The following FARS2 variants were observed in gnomAD, a reference collection of about 807,000 sequenced individuals.
FARS2 encodes the protein phenylalanine--tRNA ligase, mitochondrial.
Under a neutral mutation model 46.4 loss-of-function variants are expected in FARS2, and 40 were observed. The ratio of observed to expected loss-of-function variants is 0.86; its 90% CI spans 0.67 to 1.12. The LOEUF (loss-of-function observed/expected upper bound fraction) is 1.12, where lower values mean the gene tolerates loss of function less well. Among genes scored for constraint, FARS2 ranks in the 50% most tolerant of loss-of-function variants. FARS2 has a pLI of 0.00. For missense variants in FARS2, 513 were observed against 567.9 expected, an observed-to-expected ratio of 0.90 and a Z score of 0.98; for synonymous variants, 234 against 214.9, an observed-to-expected ratio of 1.09 and a Z score of -0.78.
At chr6:5,766,692 C>G (rs1762769287) in intron 6 of FARS2, among the ~76,000 whole-genome samples, 1 of 152,080 alleles carries the variant, frequency 6.6e-6, no homozygotes, top group African/African-American at 2.4e-5. Context: ...TAACATTAAC[C>G]ATTTTTTAAA....
At chr6:5,448,321 T>G (rs868488459) in intron 4 of FARS2, among the ~76,000 whole-genome samples, 7 of 152,232 alleles carry the variant, frequency 4.6e-5, no homozygotes, top group African/African-American at 9.6e-5. Flanking sequence ...ATGCATTTAT[T>G]TGGGGTGTGA....
intron 4 of FARS2, among the ~76,000 whole-genome samples, chr6:5,498,705 T>C (rs1767617009): frequency 6.6e-6 from 1 of 152,230 alleles, no homozygotes; most frequent in Non-Finnish European, 1.5e-5. Flanking sequence ...CAGCTGTCAC[T>C]TACCACCAGC....
rs760967282 is a variant in FARS2, at chr6:5,431,051, A to G, written c.783A>G (p.Ile261Met). The G allele has an allele frequency of 1.2e-6, 2 of 1,613,608 alleles. No individual in the cohort carries two copies. Among genetic ancestry groups the G allele is most frequent in the Non-Finnish European group, 1.7e-6 (2 of 1,179,650 alleles). The change falls in exon 4 of 7, where the codon ATA (isoleucine) becomes ATG (methionine). Residue 261 changes from isoleucine (I) to methionine (M), a missense_variant. By Grantham distance (10) the Ile-to-Met change is conservative. Coordinates refer to ENST00000274680, the MANE Select transcript of FARS2 (RefSeq NM_006567.5). ...TTGGCAACTTTGCAGAGCTGGAGAT[A>G]AGATGGGTAGACTGCTACTTCCCTT... Reference protein sequence around the residue: ...MAHLFGDELEIRWVDCYFPFT... With the variant: ...MAHLFGDELEMRWVDCYFPFT...
chr6:5,716,089 T>A (rs1401238017), intron 6 of FARS2, among the ~76,000 whole-genome samples: 1 of 152,260 alleles, frequency 6.6e-6, no homozygotes, highest in African/African-American at 2.4e-5. Context: ...TTCATGTGCT[T>A]ATTTTTCCAG....
intron 2 of FARS2, among the ~76,000 whole-genome samples, chr6:5,388,677 A>C (rs1228380642): frequency 2.0e-5 from 3 of 152,132 alleles, no homozygotes; most frequent in African/African-American, 7.2e-5. Context: ...GAGTCCAGCC[A>C]TTACAAAATC....
At chr6:5,469,096 C>T (rs757502062) in intron 4 of FARS2, among the ~76,000 whole-genome samples, 2 of 152,152 alleles carry the variant, frequency 1.3e-5, no homozygotes, top group Non-Finnish European at 2.9e-5. Context: ...GACATGAATC[C>T]CTTACACAGA....
intron 6 of FARS2, among the ~76,000 whole-genome samples, chr6:5,666,598 TA>T: frequency 6.6e-6 from 1 of 152,090 alleles, no homozygotes. Context: ...ACAGACAAAA[TA>T]ATTAAAATGT....
At chr6:5,251,617 G>C in the FARS2 span, among the ~76,000 whole-genome samples, 23,311 of 152,144 alleles carry the variant, frequency 0.15, 1,997 homozygotes, top group East Asian at 0.23. Context: ...AAGGGGAATG[G>C]TGCTAAACTA....
intron 6 of FARS2, among the ~76,000 whole-genome samples, chr6:5,622,812 A>G (rs1775841975): frequency 6.6e-6 from 1 of 152,252 alleles, no homozygotes; most frequent in African/African-American, 2.4e-5. Flanking sequence ...GCTACTTTGT[A>G]TAGTGGCAGG....
chr6:5,306,341 A>G (rs1464446252), intron 1 of FARS2, among the ~76,000 whole-genome samples: 1 of 152,226 alleles, frequency 6.6e-6, no homozygotes, highest in Non-Finnish European at 1.5e-5. Context: ...ACAAAGCAGG[A>G]AAGAGAATTA....
chr6:5,399,765 A>G (rs1379256148), intron 2 of FARS2, among the ~76,000 whole-genome samples: 1 of 152,088 alleles, frequency 6.6e-6, no homozygotes, highest in South Asian at 2.1e-4. Context: ...ATTTATCAGG[A>G]TGTCTTGAAA....
At chr6:5,405,944 T>A (rs955584423) in intron 3 of FARS2, among the ~76,000 whole-genome samples, 1 of 152,214 alleles carries the variant, frequency 6.6e-6, no homozygotes, top group Non-Finnish European at 1.5e-5. Context: ...GGAACAATAG[T>A]GTTGCAATCT....
intron 6 of FARS2, among the ~76,000 whole-genome samples, chr6:5,766,288 C>T (rs1325559018): frequency 6.6e-6 from 1 of 152,240 alleles, no homozygotes; most frequent in African/African-American, 2.4e-5. Context: ...GTGCCCACCC[C>T]GGCCCCCATG....
intron 5 of FARS2, among the ~76,000 whole-genome samples, chr6:5,596,922 T>C (rs1415068664): frequency 6.6e-6 from 1 of 152,218 alleles, no homozygotes; most frequent in East Asian, 1.9e-4. Flanking sequence ...GTCTCAGAGG[T>C]ACTTGACAAT....
intron 2 of FARS2, among the ~76,000 whole-genome samples, chr6:5,385,651 C>T (rs545872717): frequency 6.6e-6 from 1 of 152,190 alleles, no homozygotes; most frequent in Admixed American, 6.5e-5. Flanking sequence ...GTCTTGGTCT[C>T]TTGACCTCGT....
At chr6:5,707,176 G>A (rs1207847725) in intron 6 of FARS2, among the ~76,000 whole-genome samples, 2 of 152,038 alleles carry the variant, frequency 1.3e-5, no homozygotes, top group African/African-American at 4.8e-5. Context: ...GCAGTTTCCT[G>A]TTGATCCCTG....
chr6:5,680,466 A>AT (rs1239993715), intron 6 of FARS2, among the ~76,000 whole-genome samples: 7 of 152,200 alleles, frequency 4.6e-5, no homozygotes, highest in Admixed American at 4.6e-4. Flanking sequence ...AAAACGCTAA[A>AT]TGAGAATTAT....
chr6:5,716,125 T>C (rs1312986207), intron 6 of FARS2, among the ~76,000 whole-genome samples: 2 of 152,238 alleles, frequency 1.3e-5, no homozygotes, highest in Non-Finnish European at 2.9e-5. Context: ...TAATTTGGGA[T>C]GTCATTTCAT....
At chr6:5,697,481 A>G (rs574665146) in intron 6 of FARS2, among the ~76,000 whole-genome samples, 69 of 152,234 alleles carry the variant, frequency 4.5e-4, no homozygotes, top group Non-Finnish European at 8.8e-4. Context: ...TTTACAAAGA[A>G]AAAATTGGGC....
Sources: gnomAD v4.1 joint callset for allele counts (sites outside exome capture counted in the v4.1 genomes callset) on GRCh38, gnomAD v4.1.1 for gene constraint, MANE v1.5 for transcripts, NCBI Gene and HGNC (gene_info 2026-07-23, HGNC 2026-07-21) for gene names.